FDX1: variants seen among roughly 807,000 people sequenced by gnomAD.
FDX1 encodes ferredoxin 1, also known as adrenodoxin, mitochondrial.
In FDX1, 9 loss-of-function variants were observed where a neutral mutation model predicts 14.9. The ratio of observed to expected loss-of-function variants is 0.60; its 90% CI spans 0.36 to 1.05. The LOEUF is 1.05. Among genes scored for constraint, FDX1 ranks in the 50% least tolerant of loss-of-function variants. FDX1 has a pLI of 0.01. For missense variants in FDX1, 204 were observed against 237.2 expected, an observed-to-expected ratio of 0.86 and a Z score of 0.92; for synonymous variants, 92 against 99.4, an observed-to-expected ratio of 0.93 and a Z score of 0.44.
At chr11:110,456,439 G>C (rs755925798) in intron 2 of FDX1, among the ~76,000 whole-genome samples, 1 of 151,504 alleles carries the variant, frequency 6.6e-6, no homozygotes, top group Non-Finnish European at 1.5e-5. Flanking sequence ...GTGTGCATGC[G>C]TGTGCATGTG....
In FDX1 at chr11:110,444,705, C is replaced by CGTAT. The variant is rs1555069118; in HGVS notation, c.310+8748_310+8751dup. ...ATATACACGTATATATATATATATA[C>CGTAT]GTATATATATATATATACGTATATA... On this transcript the variant is annotated intron_variant, in intron 2 of 3. Transcript: ENST00000260270. Among the ~76,000 whole-genome samples the CGTAT allele has an allele frequency of 9.0e-4, 33 of 36,668 alleles. 4 individuals are homozygous for CGTAT. In the South Asian group the frequency reaches 0.02, roughly 22 times the overall value. 24.1% of individuals were successfully genotyped at this position (36,668 alleles called of 152,430 possible). A position where few individuals can be genotyped will look rare whatever the true frequency, so the allele number is the denominator to read the frequency against.
intron 2 of FDX1, among the ~76,000 whole-genome samples, chr11:110,439,123 C>T (rs1946389223): frequency 6.6e-6 from 1 of 152,076 alleles, no homozygotes; most frequent in Non-Finnish European, 1.5e-5. Context: ...CCAGGCTGGT[C>T]TGGAACTCCT....
At chr11:110,449,837 A>G (rs1946474915) in intron 2 of FDX1, among the ~76,000 whole-genome samples, 1 of 152,192 alleles carries the variant, frequency 6.6e-6, no homozygotes, top group African/African-American at 2.4e-5. Flanking sequence ...CATGTTGGCC[A>G]GGCTGGTCTC....
Position 110,438,080 on chromosome 11 carries a change from T to C in FDX1, c.310+2122T>C, listed in dbSNP as rs547362515. Among the ~76,000 whole-genome samples, 9 of 152,374 alleles carry C rather than the reference T, an allele frequency of 5.9e-5. No individual in the cohort carries two copies. The South Asian group carries it at 1.9e-3, about 32-fold the overall frequency. The stretch of plus-strand genomic sequence containing the variant: ...ATATGTTTGCTATTATGAATAGTGC[T>C]GAGGTAAACATACGAGAGCATGTGT... On this transcript the variant is annotated intron_variant, in intron 2 of 3. Coordinates refer to ENST00000260270, the MANE Select transcript of FDX1 (RefSeq NM_004109.5).
intron 1 of FDX1, among the ~76,000 whole-genome samples, chr11:110,433,972 TA>T (rs1270060338): frequency 1.3e-5 from 2 of 152,238 alleles, no homozygotes; most frequent in African/African-American, 4.8e-5. Flanking sequence ...GTAATAAGAA[TA>T]ACAACTCATT....
At chr11:110,437,099 G>T (rs1946375038) in intron 2 of FDX1, among the ~76,000 whole-genome samples, 1 of 152,162 alleles carries the variant, frequency 6.6e-6, no homozygotes, top group Non-Finnish European at 1.5e-5. Flanking sequence ...GGACTCAAGT[G>T]ATCCTCCTGA....
intron 2 of FDX1, among the ~76,000 whole-genome samples, chr11:110,454,814 TA>T (rs1946511523): frequency 6.6e-6 from 1 of 152,136 alleles, no homozygotes; most frequent in African/African-American, 2.4e-5. Context: ...ACATGGAAGG[TA>T]AAGTAGCCCA....
intron 3 of FDX1, among the ~76,000 whole-genome samples, chr11:110,459,444 T>C (rs1946543181): frequency 6.6e-6 from 1 of 152,186 alleles, no homozygotes; most frequent in African/African-American, 2.4e-5. Context: ...ACTATCACCA[T>C]GTTGTAGGTG....
intron 2 of FDX1, among the ~76,000 whole-genome samples, chr11:110,446,632 G>A (rs771446205): frequency 1.3e-5 from 2 of 152,076 alleles, no homozygotes; most frequent in Non-Finnish European, 2.9e-5. Flanking sequence ...CCGGCTGCTC[G>A]AACCTGAAAC....
intron 2 of FDX1, among the ~76,000 whole-genome samples, chr11:110,437,789 C>G (rs1329095819): frequency 1.3e-5 from 2 of 152,134 alleles, no homozygotes; most frequent in African/African-American, 2.4e-5. Context: ...CCTCCTTGCC[C>G]CTCTCCCTTC....
rs1946320708 is a variant in FDX1, at chr11:110,430,227, G to C, written c.107G>C (p.Gly36Ala). ...HHAGSRAGSS[G>A]LLRNRGPGGS... ...GCTGGGTCCCGCGCTGGATCCAGCGGCCTGCTGAGGAACCGGGGGCCGGGC... is the reference window on the plus strand; with the variant it reads ...GCTGGGTCCCGCGCTGGATCCAGCGCCCTGCTGAGGAACCGGGGGCCGGGC... The change falls in exon 1 of 4, where the codon GGC becomes GCC. Residue 36 changes from glycine to alanine, a missense_variant. Physicochemically the swap from Gly to Ala is moderately conservative, Grantham distance 60. Transcript: ENST00000260270. 3.3e-6 allele frequency: 4 copies of C among 1,208,786 alleles called. No homozygotes were observed. Among genetic ancestry groups the C allele is most frequent in the Non-Finnish European group, 4.1e-6 (4 of 973,568 alleles). 74.9% of individuals were successfully genotyped at this position (1,208,786 alleles called of 1,614,324 possible).
At chr11:110,434,725 GTTTTTT>G (rs56907322) in intron 1 of FDX1, among the ~76,000 whole-genome samples, 2 of 105,704 alleles carry the variant, frequency 1.9e-5, no homozygotes, top group Non-Finnish European at 3.9e-5. Context: ...GACTTTTTTT[GTTTTTT>G]TTTTTTTTTT....
intron 2 of FDX1, among the ~76,000 whole-genome samples, chr11:110,444,672 A>ACG (rs1262931410): frequency 1.3e-5 from 1 of 78,136 alleles, no homozygotes; most frequent in Admixed American, 1.5e-4. Context: ...ATACGTATAT[A>ACG]TATATATATA....
rs4753894 is a variant in FDX1, at chr11:110,464,278, A to C, written c.*1810A>C. 67,545 of 151,956 alleles carry C rather than the reference A, an allele frequency of 0.44. 16,186 individuals carry two copies. The highest frequency in any genetic ancestry group is 0.64 in the East Asian group (3,303 of 5,182). The allele number at this position is 151,956 out of a possible 1,614,324, so 9.4% of individuals were successfully genotyped here. On this transcript the variant is annotated 3_prime_UTR_variant, in exon 4 of 4. Transcript: ENST00000260270. ...AATTTTCTGTTGCTATAATAGAATA[A>C]CACAGACTGGGTAATTTATAAAGAA...
intron 2 of FDX1, among the ~76,000 whole-genome samples, chr11:110,440,893 T>C (rs1263681004): frequency 6.6e-6 from 1 of 152,186 alleles, no homozygotes; most frequent in Non-Finnish European, 1.5e-5. Flanking sequence ...AAAACAATAC[T>C]GGTGGTCTGG....
intron 2 of FDX1, among the ~76,000 whole-genome samples, chr11:110,444,571 G>T (rs571903039): frequency 2.7e-5 from 4 of 149,192 alleles, no homozygotes; most frequent in African/African-American, 9.9e-5. Context: ...AGCTGAGATT[G>T]TGCCTCTGTA....
At chr11:110,447,321 G>GT (rs1413102136) in intron 2 of FDX1, among the ~76,000 whole-genome samples, 1 of 148,696 alleles carries the variant, frequency 6.7e-6, no homozygotes, top group Non-Finnish European at 1.5e-5. Context: ...GGGCATGGTG[G>GT]TGCATGCCTG....
chr11:110,444,670 A>ATATATATATATATATACG (rs1946429173), intron 2 of FDX1, among the ~76,000 whole-genome samples: 1 of 71,406 alleles, frequency 1.4e-5, no homozygotes, highest in Non-Finnish European at 2.5e-5. Flanking sequence ...ATATACGTAT[A>ATATATATATATATATACG]TATATATATA....
chr11:110,437,827 G>A (rs74972072), intron 2 of FDX1, among the ~76,000 whole-genome samples: 3,219 of 152,190 alleles, frequency 0.021, 110 homozygotes, highest in African/African-American at 0.07. Context: ...AGTATCTACT[G>A]TTCCCAACTT....
Sources: gnomAD v4.1 joint callset for allele counts (sites outside exome capture counted in the v4.1 genomes callset) on GRCh38, gnomAD v4.1.1 for gene constraint, MANE v1.5 for transcripts, NCBI Gene and HGNC (gene_info 2026-07-23, HGNC 2026-07-21) for gene names.